The following PTGFRN variants were observed in gnomAD, a reference collection of about 807,000 sequenced individuals.
PTGFRN encodes the protein prostaglandin F2 receptor inhibitor, also known as prostaglandin F2 receptor negative regulator.
In PTGFRN, 35 loss-of-function variants were observed where a neutral mutation model predicts 83.2. That is an observed-to-expected ratio of 0.42 (90% CI 0.32 to 0.56). PTGFRN has a LOEUF of 0.56. Among genes scored for constraint, PTGFRN ranks in the 20% least tolerant of loss-of-function variants. The probability of loss-of-function intolerance (pLI) is 0.11; values close to 1 mark genes in which losing one functional copy is unlikely to be tolerated. For missense variants in PTGFRN, 1,051 were observed against 1,179.5 expected (o/e 0.89, Z 1.60); for synonymous variants, 519 against 498.6 (o/e 1.04, Z -0.55).
At position 116,969,103 on chromosome 1, in the gene PTGFRN, T is replaced by A. The variant is rs529116809; in HGVS notation, c.2059+1773T>A. Among the ~76,000 whole-genome samples the A allele has an allele frequency of 4.0e-5, 6 of 151,674 alleles. 1 individual carries two copies. In the South Asian group the frequency reaches 1.0e-3, roughly 26 times the overall value. On this transcript the variant is annotated intron_variant, in intron 6 of 8. Transcript: ENST00000393203. ...GAAACATCAAATTTTTAAATTTTGATGAAGTCCAGTTTATCTGTTTTTTTT... is the reference window on the plus strand; with the variant it reads ...GAAACATCAAATTTTTAAATTTTGAAGAAGTCCAGTTTATCTGTTTTTTTT...
chr1:116,925,915 A>C lies in PTGFRN; in HGVS notation c.49+15663A>C, dbSNP rs966023830. Among the ~76,000 whole-genome samples, 7 of 152,230 alleles carry C rather than the reference A, an allele frequency of 4.6e-5. No individual in the cohort carries two copies. In the East Asian group the frequency reaches 1.2e-3, roughly 25 times the overall value. On this transcript the variant is annotated intron_variant, in intron 1 of 8. Coordinates refer to ENST00000393203, the MANE Select transcript of PTGFRN (RefSeq NM_020440.4). ...GTAGTTAAAGTGTTCCTTAAAGGGC[A>C]TGTGAACCCAGAGTCTTTTTTAATT...
At chr1:116,917,091 G>A (rs532445545) in intron 1 of PTGFRN, among the ~76,000 whole-genome samples, 1 of 152,150 alleles carries the variant, frequency 6.6e-6, no homozygotes, top group Non-Finnish European at 1.5e-5. Context: ...GTCACATGCT[G>A]CTACAGAACT....
chr1:116,912,931 C>T (rs7366434), intron 1 of PTGFRN, among the ~76,000 whole-genome samples: 13,219 of 152,246 alleles, frequency 0.087, 838 homozygotes, highest in African/African-American at 0.17. Flanking sequence ...GCCTACCTAC[C>T]ATGATCACAC....
intron 2 of PTGFRN, among the ~76,000 whole-genome samples, chr1:116,944,462 C>G (rs1302298182): frequency 6.6e-6 from 1 of 152,194 alleles, no homozygotes; most frequent in African/African-American, 2.4e-5. Context: ...TTTTACCACC[C>G]ACTTCTAGCA....
intron 1 of PTGFRN, among the ~76,000 whole-genome samples, chr1:116,915,594 T>G (rs1416146108): frequency 6.6e-6 from 1 of 152,264 alleles, no homozygotes; most frequent in African/African-American, 2.4e-5. Context: ...TGATCATTCC[T>G]TACAAGGCAG....
rs772856644 is a variant in PTGFRN, at chr1:116,984,878, G to A, written c.2366G>A (p.Gly789Asp). 3 of 1,614,182 alleles carry A rather than the reference G, an allele frequency of 1.9e-6. No homozygotes were observed. The highest frequency in any genetic ancestry group is 2.5e-6 in the Non-Finnish European group (3 of 1,180,030). Residue 789 changes from glycine to aspartate, a missense_variant, in exon 8 of 9, where the codon GGC becomes GAC. Gly to Asp is a moderately conservative substitution (Grantham distance 94). Around this residue, in one of 3 missense-constraint regions of PTGFRN, gnomAD observed 719 missense variants for 836.6 expected, o/e 0.86. Transcript: ENST00000393203. ...CATGGCTCCGAGGACCAGGACTTTG[G>A]CAACTACTACTGTTCCGTGACTCCA... ...QVHGSEDQDFGNYYCSVTPWV... is the reference protein window; with the variant it reads ...QVHGSEDQDFDNYYCSVTPWV...
chr1:116,914,000 G>A (rs981095915), intron 1 of PTGFRN, among the ~76,000 whole-genome samples: 2 of 152,232 alleles, frequency 1.3e-5, no homozygotes, highest in African/African-American at 4.8e-5. Flanking sequence ...AAAGGACTTT[G>A]TATTAATCAG....
At chr1:116,932,900 G>A (rs1430628986) in intron 1 of PTGFRN, among the ~76,000 whole-genome samples, 3 of 152,184 alleles carry the variant, frequency 2.0e-5, no homozygotes, top group African/African-American at 7.2e-5. Context: ...CGTTATAGCT[G>A]TTATGACCTT....
At chr1:116,970,100 G>A (rs1650947564) in intron 6 of PTGFRN, among the ~76,000 whole-genome samples, 1 of 152,088 alleles carries the variant, frequency 6.6e-6, no homozygotes, top group South Asian at 2.1e-4. Context: ...TTTTTCTCGA[G>A]TAATTGCCCA....
At chr1:116,956,000 A>G (rs1431785884) in intron 4 of PTGFRN, among the ~76,000 whole-genome samples, 1 of 152,226 alleles carries the variant, frequency 6.6e-6, no homozygotes, top group Admixed American at 6.5e-5. Flanking sequence ...AGGTATGTGC[A>G]TGACAGGCCT....
Position 116,987,135 on chromosome 1 carries a change from A to G in PTGFRN, c.*168A>G. The G allele has an allele frequency of 1.4e-6, 1 of 714,072 alleles. No individual in the cohort carries two copies. The highest frequency in any genetic ancestry group is 1.9e-5 in the South Asian group (1 of 52,022). The allele number at this position is 714,072 out of a possible 1,614,324, so 44.2% of individuals were successfully genotyped here. ...TGCATGTCAAGTTCTGAGCGCGGAC[A>G]TGTTTACCAGCACACGGCTCTTCTT... On this transcript the variant is annotated 3_prime_UTR_variant, in exon 9 of 9. Transcript: ENST00000393203.
chr1:116,926,073 GTGT>G (rs67180496), intron 1 of PTGFRN, among the ~76,000 whole-genome samples: 25,106 of 152,048 alleles, frequency 0.17, 4,408 homozygotes, highest in African/African-American at 0.44. Flanking sequence ...CAGGCTTAAA[GTGT>G]TGTTGGGGAG....
Position 116,909,939 on chromosome 1 carries a change from CG to C in PTGFRN, c.-261del, listed in dbSNP as rs1336473888. The C allele has an allele frequency of 3.9e-6, 2 of 508,238 alleles. No homozygotes were observed. Among genetic ancestry groups the C allele is most frequent in the Non-Finnish European group, 6.9e-6 (2 of 287,918 alleles). 31.5% of individuals were successfully genotyped at this position (508,238 alleles called of 1,614,324 possible). Reference sequence around the variant, plus strand: ...TTCCCTTCTGCTTTCGGGAAGCGGTCGGGGCTGCACACTCGGATCGGCGGGG... The same window carrying C: ...TTCCCTTCTGCTTTCGGGAAGCGGTCGGGCTGCACACTCGGATCGGCGGGG... On this transcript the variant is annotated 5_prime_UTR_variant, in exon 1 of 9. Transcript: ENST00000393203.
chr1:116,915,752 C>T (rs979015820), intron 1 of PTGFRN, among the ~76,000 whole-genome samples: 3 of 152,196 alleles, frequency 2.0e-5, no homozygotes, highest in South Asian at 2.1e-4. Flanking sequence ...TGTGTGTCTG[C>T]GTCTCACTTT....
intron 7 of PTGFRN, among the ~76,000 whole-genome samples, chr1:116,983,501 A>C (rs1460872703): frequency 1.0e-4 from 4 of 38,652 alleles, no homozygotes; most frequent in Admixed American, 2.7e-4. Context: ...CTGGGAACAA[A>C]AAAAAAAAAA....
intron 4 of PTGFRN, among the ~76,000 whole-genome samples, chr1:116,960,904 T>C (rs1254481071): frequency 2.0e-5 from 3 of 152,084 alleles, no homozygotes; most frequent in Admixed American, 1.3e-4. Flanking sequence ...GACACTGAGC[T>C]TCTTAAGAGA....
rs2250965 is a variant in PTGFRN, at chr1:116,918,978, T to C, written c.49+8726T>C. Among the ~76,000 whole-genome samples, 7,239 of 152,220 alleles carry C rather than the reference T, an allele frequency of 0.048. 526 individuals carry two copies. Among genetic ancestry groups the C allele is most frequent in the African/African-American group, 0.16 (6,774 of 41,486 alleles). ...TTTGAGGGCCTGGAGGGCATGATGA[T>C]GGCATAAAAGCAGATTCTGAGGTGC... On this transcript the variant is annotated intron_variant, in intron 1 of 8. Transcript: ENST00000393203. The surrounding 1 kb of genome is among the most constrained non-coding windows in gnomAD (Gnocchi z 4.1).
chr1:116,925,899 G>A (rs1649646019), intron 1 of PTGFRN, among the ~76,000 whole-genome samples: 1 of 152,218 alleles, frequency 6.6e-6, no homozygotes, highest in Non-Finnish European at 1.5e-5. Flanking sequence ...TGTAGTTAAA[G>A]TGTTCCTTAA....
In PTGFRN at chr1:116,944,686, C is replaced by A. The variant is rs889845385; in HGVS notation, c.426C>A (p.Ala142=). 1.4e-6 allele frequency: 2 copies of A among 1,425,614 alleles called. No homozygotes were observed. The highest frequency in any genetic ancestry group is 1.8e-6 in the Non-Finnish European group (2 of 1,092,770). The allele number at this position is 1,425,614 out of a possible 1,614,324, so 88.3% of individuals were successfully genotyped here. The part of the protein sequence containing the change: ...YEDTVQVKVL[A]DSLHVGPSAR... ...AGCTTTCTCTCTCCGCAGTGCTGGC[C>A]GACTCCCTGCACGTGGGCCCCAGCG... Residue 142 remains alanine (A), a synonymous_variant, in exon 3 of 9, where the codon GCC becomes GCA. Coordinates refer to ENST00000393203, the MANE Select transcript of PTGFRN (RefSeq NM_020440.4).
Sources: gnomAD v4.1 joint callset for allele counts (sites outside exome capture counted in the v4.1 genomes callset) on GRCh38, gnomAD v4.1.1 for gene constraint, gnomAD v4.1.1 regional missense constraint, Gnocchi (gnomAD v3.1) non-coding constraint, MANE v1.5 for transcripts, NCBI Gene and HGNC (gene_info 2026-07-23, HGNC 2026-07-21) for gene names.